Variants in SLC45A3 observed in about 807,000 individuals in gnomAD.
SLC45A3 encodes prostate cancer associated protein 2.
SLC45A3 carries 17 observed loss-of-function variants against 35.3 expected under a neutral mutation model. That is an observed-to-expected ratio of 0.48 (90% confidence interval 0.33 to 0.72). The LOEUF (loss-of-function observed/expected upper bound fraction) is 0.72, where lower values mean the gene tolerates loss of function less well. Among genes scored for constraint, SLC45A3 ranks in the 30% least tolerant of loss-of-function variants. The pLI is 0.02. For synonymous variants in SLC45A3, 288 were observed against 334.3 expected, an observed-to-expected ratio of 0.86 and a Z score of 1.51; for missense variants, 597 against 731.7, an observed-to-expected ratio of 0.82 and a Z score of 2.12.
At chr1:205,675,873 C>T (rs1671306003) in intron 1 of SLC45A3, among the ~76,000 whole-genome samples, 6 of 152,154 alleles carry the variant, frequency 3.9e-5, no homozygotes, top group Admixed American at 3.9e-4. Flanking sequence ...ACTGCTCTAA[C>T]CAGGCAGCCC....
At chr1:205,680,360 C>G (rs1334073099) in intron 1 of SLC45A3, 34 bp downstream of exon 1, 1 of 151,834 alleles carries the variant, frequency 6.6e-6, no homozygotes, top group African/African-American at 2.4e-5. Context: ...CGCCGGGACC[C>G]TCACCCCTGG....
chr1:205,676,495 C>T (rs1177356634), intron 1 of SLC45A3, among the ~76,000 whole-genome samples: 6 of 152,302 alleles, frequency 3.9e-5, no homozygotes, highest in Non-Finnish European at 7.3e-5. Context: ...CTGGCGTGTG[C>T]AGGTGCTTGG....
intron 1 of SLC45A3, among the ~76,000 whole-genome samples, chr1:205,673,575 C>T (rs1378176842): frequency 6.6e-6 from 1 of 152,204 alleles, no homozygotes; most frequent in African/African-American, 2.4e-5. Flanking sequence ...TGCAAACCTA[C>T]AGATGGGCAG....
Position 205,659,150 on chromosome 1 carries a change from G to A in SLC45A3, c.*84C>T, listed in dbSNP as rs1670971437. On this transcript the variant is annotated 3_prime_UTR_variant, in exon 5 of 5. Transcript: ENST00000367145. The surrounding 1 kb of genome is among the most constrained non-coding windows in gnomAD (Gnocchi z 5.8). Reference sequence around the variant, plus strand: ...TGGCAGCAACAGAAACTGGCGGCCAGCCCGGCAGCCCCATGGGGCTAACAG... The same window carrying A: ...TGGCAGCAACAGAAACTGGCGGCCAACCCGGCAGCCCCATGGGGCTAACAG... 11 of 1,419,902 alleles carry A rather than the reference G, an allele frequency of 7.7e-6. 1 individual carries two copies. In the South Asian group the frequency reaches 1.4e-4, roughly 18 times the overall value. The allele number at this position is 1,419,902 out of a possible 1,614,324, so 88.0% of individuals were successfully genotyped here.
intron 4 of SLC45A3, among the ~76,000 whole-genome samples, chr1:205,661,343 G>A (rs1408119595): frequency 6.6e-6 from 1 of 152,188 alleles, no homozygotes; most frequent in African/African-American, 2.4e-5. Context: ...GAAAAGAAAA[G>A]GGAATTAGAC....
rs199732171 is a variant in SLC45A3 at position 205,661,879 on chromosome 1, G to A, written c.1206C>T (p.Leu402=). ...LQILPYTLAS[L]YHREKQVFLP... is the part of the protein sequence containing the mutation. ...TGAGTACCTGCTTCTCCCGGTGGTA[G>A]AGGGAGGCCAGTGTGTAGGGCAGGA... Residue 402 remains leucine (L), a synonymous_variant, in exon 4 of 5, where the codon CTC becomes CTT. Coordinates refer to ENST00000367145, the MANE Select transcript of SLC45A3 (RefSeq NM_033102.3). The A allele has an allele frequency of 1.2e-6, 2 of 1,613,570 alleles. No individual in the cohort carries two copies. The highest frequency in any genetic ancestry group is 1.7e-6 in the Non-Finnish European group (2 of 1,179,708).
Position 205,663,527 on chromosome 1 carries a change from G to T in SLC45A3, c.264C>A (p.Phe88Leu). The T allele has an allele frequency of 6.2e-7, 1 of 1,613,102 alleles. No individual in the cohort carries two copies. The highest frequency in any genetic ancestry group is 8.5e-7 in the Non-Finnish European group (1 of 1,180,022). The part of the protein sequence containing the change: ...WRGRYGRRRP[F>L]IWALSLGILL... Reference sequence around the variant, plus strand: ...GGATGCCCAAGGACAGTGCCCAGATGAAGGGCCGGCGGCGGCCATAGCGTC... The same window carrying T: ...GGATGCCCAAGGACAGTGCCCAGATTAAGGGCCGGCGGCGGCCATAGCGTC... Residue 88 changes from phenylalanine (F) to leucine (L), a missense_variant, in exon 3 of 5, where the codon TTC becomes TTA. By Grantham distance (22) the Phe-to-Leu change is conservative. This residue lies in a region of SLC45A3 where 555 missense variants were observed against 664.9 expected (regional missense o/e 0.83). Transcript: ENST00000367145.
chr1:205,670,554 G>C (rs1404311615), intron 1 of SLC45A3, among the ~76,000 whole-genome samples: 1 of 152,198 alleles, frequency 6.6e-6, no homozygotes, highest in Non-Finnish European at 1.5e-5. Context: ...CCCCATCCCG[G>C]ACTTGCTCCC....
rs547421942 is a variant in SLC45A3 at position 205,659,462 on chromosome 1, G to A, written c.1434C>T (p.Thr478=). ...CCCGGCCCGGAACCACCCTGGCCTC[G>A]GTGGGCTCACCCACCACCACACGTA... The part of the protein sequence containing the change: ...VSVRVVVGEP[T]EARVVPGRGI... The change falls in exon 5 of 5, where the codon ACC becomes ACT. Residue 478 remains threonine (T), a synonymous_variant. Coordinates refer to ENST00000367145, the MANE Select transcript of SLC45A3 (RefSeq NM_033102.3). The surrounding 1 kb of genome is among the most constrained non-coding windows in gnomAD (Gnocchi z 5.8). 67 of 1,614,034 alleles carry A rather than the reference G, an allele frequency of 4.2e-5. No individual in the cohort carries two copies. Among genetic ancestry groups the A allele is most frequent in the African/African-American group, 8.0e-5 (6 of 75,050 alleles).
At chr1:205,660,931 A>T (rs1671011679) in intron 4 of SLC45A3, among the ~76,000 whole-genome samples, 1 of 152,184 alleles carries the variant, frequency 6.6e-6, no homozygotes, top group Non-Finnish European at 1.5e-5. Context: ...CTACTCAGTT[A>T]ACCAGCCTCT....
At position 205,663,387 on chromosome 1, in the gene SLC45A3, C is replaced by A; in HGVS notation, c.404G>T (p.Cys135Phe). 1 of 1,613,378 alleles carries A rather than the reference C, an allele frequency of 6.2e-7. No individual in the cohort carries two copies. The highest frequency in any genetic ancestry group is 2.2e-5 in the East Asian group (1 of 44,876). Residue 135 changes from cysteine to phenylalanine, a missense_variant, in exon 3 of 5, where the codon TGT (cysteine) becomes TTT (phenylalanine). Cys to Phe is a radical substitution (Grantham distance 205). Coordinates refer to ENST00000367145, the MANE Select transcript of SLC45A3 (RefSeq NM_033102.3). ...LILGVGLLDF[C>F]GQVCFTPLEA... ...CAGTGGAGTGAAGCACACCTGGCCA[C>A]AGAAGTCCAGCAGCCCCACGCCCAG... is the stretch of plus-strand genomic sequence containing the variant.
At chr1:205,663,644 C>T (rs1413722604) in intron 2 of SLC45A3, 26 bp from the exon 3 acceptor site, 1 of 1,532,694 alleles carries the variant, frequency 6.5e-7, no homozygotes, top group Admixed American at 2.1e-5. Context: ...TAGTATGAGT[C>T]AATGGCTGGG....
At position 205,659,582 on chromosome 1, in the gene SLC45A3, TC is replaced by T; in HGVS notation, c.1313del (p.Gly438GlufsTer104). 1 of 1,588,390 alleles carries T rather than the reference TC, an allele frequency of 6.3e-7. No homozygotes were observed. Among genetic ancestry groups the T allele is most frequent in the South Asian group, 1.2e-5 (1 of 85,926 alleles). On this transcript the variant is annotated frameshift_variant, in exon 5 of 5. Transcript: ENST00000367145. LOFTEE classifies it high-confidence loss of function. The surrounding 1 kb of genome is among the most constrained non-coding windows in gnomAD (Gnocchi z 5.8). ...MTSFLPGPKP[G>X]APFPNGHVGA... ...CCACGTGTCCATTAGGGAAGGGAGC[TC>T]CAGGCTTAGGGCCTGGCAGGAAGCT...
At chr1:205,672,538 C>T (rs552291298) in intron 1 of SLC45A3, among the ~76,000 whole-genome samples, 4 of 152,288 alleles carry the variant, frequency 2.6e-5, no homozygotes, top group East Asian at 1.9e-4. Flanking sequence ...ACAATTCATA[C>T]GCTCCAAATC....
Position 205,666,126 on chromosome 1 carries a change from C to T in SLC45A3, c.-230-1240G>A, listed in dbSNP as rs1463971992. 6.6e-6 allele frequency among the ~76,000 whole-genome samples: 1 copy of T among 152,140 alleles called. No individual in the cohort carries two copies. Among genetic ancestry groups the T allele is most frequent in the East Asian group, 1.9e-4 (1 of 5,186 alleles). On this transcript the variant is annotated intron_variant, in intron 1 of 4. Coordinates refer to ENST00000367145, the MANE Select transcript of SLC45A3 (RefSeq NM_033102.3). The surrounding 1 kb of genome is among the most constrained non-coding windows in gnomAD (Gnocchi z 4.1). Reference sequence around the variant, plus strand: ...CACCTCATTATAAAAGGCATTTCAACTTATCTTATCTTTTCACACAATACT... The same window carrying T: ...CACCTCATTATAAAAGGCATTTCAATTTATCTTATCTTTTCACACAATACT...
intron 1 of SLC45A3, among the ~76,000 whole-genome samples, chr1:205,673,492 T>C (rs532841472): frequency 1.5e-4 from 23 of 152,318 alleles, no homozygotes; most frequent in Admixed American, 5.2e-4. Flanking sequence ...CAGCCAATCC[T>C]AGTCTTCCCT....
rs1180912527 is a variant in SLC45A3, at chr1:205,663,385, C to T, written c.406G>A (p.Gly136Ser). The T allele has an allele frequency of 6.2e-7, 1 of 1,613,218 alleles. No individual in the cohort carries two copies. Among genetic ancestry groups the T allele is most frequent in the African/African-American group, 1.3e-5 (1 of 74,922 alleles). Residue 136 changes from glycine to serine, a missense_variant, in exon 3 of 5, where the codon GGC becomes AGC. Around this residue, in one of 3 missense-constraint regions of SLC45A3, gnomAD observed 555 missense variants for 664.9 expected, o/e 0.83. Transcript: ENST00000367145. ...ILGVGLLDFC[G>S]QVCFTPLEAL... is the part of the protein sequence containing the mutation. Reference sequence around the variant, plus strand: ...TCCAGTGGAGTGAAGCACACCTGGCCACAGAAGTCCAGCAGCCCCACGCCC... The same window carrying T: ...TCCAGTGGAGTGAAGCACACCTGGCTACAGAAGTCCAGCAGCCCCACGCCC...
intron 4 of SLC45A3, among the ~76,000 whole-genome samples, chr1:205,660,468 T>C (rs1230299451): frequency 6.6e-6 from 1 of 152,132 alleles, no homozygotes; most frequent in Admixed American, 6.5e-5. Context: ...AGAGTTGAGT[T>C]GGCTGCATTT....
rs959399411 is a variant in SLC45A3, at chr1:205,669,858, G to T, written c.-230-4972C>A. Among the ~76,000 whole-genome samples, 1 of 152,276 alleles carries T rather than the reference G, an allele frequency of 6.6e-6. No individual in the cohort carries two copies. The highest frequency in any genetic ancestry group is 2.4e-5 in the African/African-American group (1 of 41,552). On this transcript the variant is annotated intron_variant, in intron 1 of 4. Coordinates refer to ENST00000367145, the MANE Select transcript of SLC45A3 (RefSeq NM_033102.3). The surrounding 1 kb of genome is among the most constrained non-coding windows in gnomAD (Gnocchi z 4.1). ...TGGGGTCACCCTGGGCCAACCTCCC[G>T]GACACACACCCCACCAAGGCTGCCC...
Sources: gnomAD v4.1 joint callset for allele counts (sites outside exome capture counted in the v4.1 genomes callset) on GRCh38, gnomAD v4.1.1 for gene constraint, gnomAD v4.1.1 regional missense constraint, Gnocchi (gnomAD v3.1) non-coding constraint, MANE v1.5 for transcripts, NCBI Gene and HGNC (gene_info 2026-07-23, HGNC 2026-07-21) for gene names.